Variants in SATB2 observed in about 807,000 individuals in gnomAD.
SATB2 encodes DNA-binding protein SATB2.
In SATB2, 1 loss-of-function variant was observed where a neutral mutation model predicts 73.4. The ratio of observed to expected loss-of-function variants is 0.01; its 90% confidence interval spans 0.00 to 0.06. The LOEUF is 0.06. SATB2 is among the 10% of genes least tolerant of loss of function. The pLI, the probability that SATB2 is intolerant of heterozygous loss-of-function variation, is 1.00. For missense variants in SATB2, 459 were observed against 945.8 expected (o/e 0.49, Z 6.75); for synonymous variants, 397 against 367.0 (o/e 1.08, Z -0.93).
At chr2:199,338,917 T>TA (rs564809180) in intron 7 of SATB2, among the ~76,000 whole-genome samples, 78,677 of 127,946 alleles carry the variant, frequency 0.61, 26,488 homozygotes, top group Non-Finnish European at 0.75. Context: ...GACTCTGTCT[T>TA]AAAAAAAAAA....
rs1692540005 is a variant in SATB2 at position 199,464,041 on chromosome 2, G to A, written c.-141+795C>T. Among the ~76,000 whole-genome samples the A allele has an allele frequency of 6.6e-6, 1 of 152,194 alleles. No homozygotes were observed. Among genetic ancestry groups the A allele is most frequent in the Non-Finnish European group, 1.5e-5 (1 of 68,036 alleles). On this transcript the variant is annotated intron_variant, in intron 1 of 11. Coordinates refer to the SATB2 transcript ENST00000260926. The surrounding 1 kb of genome is among the most constrained non-coding windows in gnomAD (Gnocchi z 6.6). ...CCAGACACCTACTGGAGCCAGGGAC[G>A]AGGGGGGCAGTGTATCCGGCGGCCC... is the stretch of plus-strand genomic sequence containing the variant.
chr2:199,459,583 CT>C (rs1692416629), upstream of SATB2: 1 of 152,830 alleles, frequency 6.5e-6, no homozygotes, highest in South Asian at 2.1e-4. This position sits in a 1 kb window ranked among gnomAD's most constrained non-coding sequence, Gnocchi z 4.2. Context: ...AGAATCCCCC[CT>C]CAACTGGTTG....
chr2:199,466,066 T>G (rs1056912149), upstream of SATB2, among the ~76,000 whole-genome samples: 6 of 152,172 alleles, frequency 3.9e-5, no homozygotes, highest in African/African-American at 7.2e-5. Context: ...GTTCGTCTCG[T>G]TTTATGCTGT....
chr2:199,297,779 C>G (rs139861747), intron 10 of SATB2, among the ~76,000 whole-genome samples: 8 of 138,738 alleles, frequency 5.8e-5, no homozygotes, highest in East Asian at 2.0e-4. Context: ...GCTGAAGTAG[C>G]CTTTTTGCTT....
Position 199,455,735 on chromosome 2 carries a change from G to C in SATB2, c.169+134C>G, listed in dbSNP as rs961512780. On this transcript the variant is annotated intron_variant, in intron 2 of 10. Transcript: ENST00000417098. The surrounding 1 kb of genome is among the most constrained non-coding windows in gnomAD (Gnocchi z 4.1). The stretch of plus-strand genomic sequence containing the variant: ...ACCAGTTGCAGATGAGAGGCGACGG[G>C]GGCATTATTTGGCAACCTGGAATTC... 1.0e-6 allele frequency: 1 copy of C among 969,190 alleles called. No individual in the cohort carries two copies. The highest frequency in any genetic ancestry group is 2.1e-5 in the Admixed American group (1 of 46,702). The allele number at this position is 969,190 out of a possible 1,614,324, so 60.0% of individuals were successfully genotyped here. A position where few individuals can be genotyped will look rare whatever the true frequency, so the allele number is the denominator to read the frequency against.
intron 1 of SATB2, among the ~76,000 whole-genome samples, chr2:199,456,681 T>A (rs912262916): frequency 6.6e-6 from 1 of 152,178 alleles, no homozygotes; most frequent in Non-Finnish European, 1.5e-5. Context: ...AATTCCACAT[T>A]AATAAGCATC....
At chr2:199,284,989 G>T (rs556832756) in intron 10 of SATB2, among the ~76,000 whole-genome samples, 1 of 152,058 alleles carries the variant, frequency 6.6e-6, no homozygotes, top group Non-Finnish European at 1.5e-5. Context: ...TAAGGGGCTT[G>T]AGCATCCATG....
Position 199,412,186 on chromosome 2 carries a change from TG to T in SATB2, c.346+21151del, listed in dbSNP as rs566353311. On this transcript the variant is annotated intron_variant, in intron 3 of 10. Transcript: ENST00000417098. Reference sequence around the variant, plus strand: ...TATTTGAAGCAAATGAGAGCTAGATTGTAAGGACACAGTGATGCATACTTGG... The same window carrying T: ...TATTTGAAGCAAATGAGAGCTAGATTTAAGGACACAGTGATGCATACTTGG... 2.3e-4 allele frequency among the ~76,000 whole-genome samples: 35 copies of T among 152,230 alleles called. No homozygotes were observed. The East Asian group carries it at 6.4e-3, about 28-fold the overall frequency.
At chr2:199,381,174 T>A (rs1032652038) in intron 4 of SATB2, among the ~76,000 whole-genome samples, 2 of 136,114 alleles carry the variant, frequency 1.5e-5, no homozygotes, top group Admixed American at 7.8e-5. Flanking sequence ...CCAGAATCTC[T>A]GCAGGCCACA....
chr2:199,335,332 A>T (rs566148029), intron 7 of SATB2, among the ~76,000 whole-genome samples: 1 of 152,304 alleles, frequency 6.6e-6, no homozygotes, highest in Admixed American at 6.5e-5. Context: ...ATACAAAAGT[A>T]ACATTTGCAG....
intron 3 of SATB2, among the ~76,000 whole-genome samples, chr2:199,389,686 CACAA>C (rs1422689936): frequency 2.6e-5 from 4 of 152,236 alleles, no homozygotes; most frequent in African/African-American, 7.2e-5. Context: ...CACTGACAAA[CACAA>C]ACAAAGTAGG....
rs146889022 is a variant in SATB2, at chr2:199,433,438, G to T, written c.246C>A (p.Ala82=). The change falls in exon 3 of 11, where the codon GCC becomes GCA. Residue 82 remains alanine (A), a synonymous_variant. Transcript: ENST00000417098. The part of the protein sequence containing the change: ...SLEYDNREEH[A]EFVLVRKDVL... ...CATCTTTCCGCACCAGGACAAACTCGGCGTGTTCTTCTCTGTTGTCATATT... is the reference window on the plus strand; with the variant it reads ...CATCTTTCCGCACCAGGACAAACTCTGCGTGTTCTTCTCTGTTGTCATATT... The T allele has an allele frequency of 6.2e-7, 1 of 1,613,972 alleles. No homozygotes were observed. The highest frequency in any genetic ancestry group is 8.5e-7 in the Non-Finnish European group (1 of 1,180,016).
intron 9 of SATB2, among the ~76,000 whole-genome samples, chr2:199,315,633 A>C (rs1272408512): frequency 6.6e-6 from 1 of 152,098 alleles, no homozygotes; most frequent in African/African-American, 2.4e-5. Context: ...TCCTTAAAAA[A>C]CATTGGTCTA....
chr2:199,385,049 C>T (rs1216986479), intron 3 of SATB2, among the ~76,000 whole-genome samples: 1 of 152,136 alleles, frequency 6.6e-6, no homozygotes, highest in African/African-American at 2.4e-5. Context: ...CCACCACTTC[C>T]CCATTCATTT....
intron 3 of SATB2, among the ~76,000 whole-genome samples, chr2:199,382,997 G>A (rs1689824230): frequency 6.6e-6 from 1 of 152,152 alleles, no homozygotes; most frequent in Admixed American, 6.5e-5. Context: ...ATAGGAAATG[G>A]ACTTTCTGGT....
chr2:199,271,979 C>A lies in SATB2; in HGVS notation c.*232G>T. Reference sequence around the variant, plus strand: ...AAAGTGTAACGCTTTAGTGTCTTTGCCAAGGCGATGTCTGATTCGGAAATA... The same window carrying A: ...AAAGTGTAACGCTTTAGTGTCTTTGACAAGGCGATGTCTGATTCGGAAATA... On this transcript the variant is annotated 3_prime_UTR_variant, in exon 11 of 11. Transcript: ENST00000417098. 1.7e-6 allele frequency: 1 copy of A among 573,996 alleles called. No individual in the cohort carries two copies. 35.6% of individuals were successfully genotyped at this position (573,996 alleles called of 1,614,324 possible). A position where few individuals can be genotyped will look rare whatever the true frequency, so the allele number is the denominator to read the frequency against.
chr2:199,404,507 C>CA (rs1420381349), intron 3 of SATB2, among the ~76,000 whole-genome samples: 49 of 151,236 alleles, frequency 3.2e-4, no homozygotes, highest in South Asian at 8.4e-4. Flanking sequence ...TGCAACCATG[C>CA]AAAAAAAAGC....
At chr2:199,355,902 A>G (rs1688967580) in intron 6 of SATB2, among the ~76,000 whole-genome samples, 1 of 152,178 alleles carries the variant, frequency 6.6e-6, no homozygotes, top group African/African-American at 2.4e-5. Flanking sequence ...AAGTTTATCA[A>G]TACTGCAAAA....
intron 10 of SATB2, among the ~76,000 whole-genome samples, chr2:199,301,287 TA>T (rs1236543715): frequency 2.0e-5 from 3 of 152,108 alleles, no homozygotes; most frequent in Non-Finnish European, 4.4e-5. Flanking sequence ...AAAGAAGTCA[TA>T]TGAATCTCTC....
Sources: gnomAD v4.1 joint callset for allele counts (sites outside exome capture counted in the v4.1 genomes callset) on GRCh38, gnomAD v4.1.1 for gene constraint, Gnocchi (gnomAD v3.1) non-coding constraint, MANE v1.5 for transcripts, NCBI Gene and HGNC (gene_info 2026-07-23, HGNC 2026-07-21) for gene names.